PRMT8: variants seen among roughly 807,000 people sequenced by gnomAD.
PRMT8 encodes the protein protein arginine methyltransferase 8, also known as protein arginine N-methyltransferase 8.
A neutral mutation model predicts 47.1 loss-of-function variants in PRMT8; 7 were observed. The observed-to-expected ratio is 0.15, with a 90% CI of 0.08 to 0.28. The LOEUF (loss-of-function observed/expected upper bound fraction) is 0.28. Ranked by LOEUF, PRMT8 falls within the 10% of genes least tolerant of loss-of-function variation. The pLI is 1.00. For missense variants in PRMT8, 237 were observed against 505.4 expected (o/e 0.47, Z 5.09); for synonymous variants, 188 against 186.5 (o/e 1.01, Z -0.07).
At chr12:3,459,811 G>T (rs923593300) in intron 1 of PRMT8, among the ~76,000 whole-genome samples, 1 of 152,142 alleles carries the variant, frequency 6.6e-6, no homozygotes, top group Non-Finnish European at 1.5e-5. Flanking sequence ...GGGACTCCCT[G>T]TCTCTTTCTC....
rs1436051683 is a variant in PRMT8 at position 3,381,485 on chromosome 12, G to A, written c.48+43G>A. Reference sequence around the variant, plus strand: ...GTAATTTCTTTCCTTTCTTCTTCCTGCAAGTGAAATAGTGCAATTTATCTT... The same window carrying A: ...GTAATTTCTTTCCTTTCTTCTTCCTACAAGTGAAATAGTGCAATTTATCTT... On this transcript the variant is annotated intron_variant, in intron 1 of 9. Coordinates refer to the PRMT8 transcript ENST00000452611. 27 of 1,529,304 alleles carry A rather than the reference G, an allele frequency of 1.8e-5. No individual in the cohort carries two copies. In the East Asian group the frequency reaches 6.4e-4, roughly 36 times the overall value. 94.7% of individuals were successfully genotyped at this position (1,529,304 alleles called of 1,614,324 possible). A position where few individuals can be genotyped will look rare whatever the true frequency, so the allele number is the denominator to read the frequency against.
Position 3,535,016 on chromosome 12 carries a change from A to T in PRMT8, c.76-5590A>T, listed in dbSNP as rs1866094443. On this transcript the variant is annotated intron_variant, in intron 1 of 9. Coordinates refer to ENST00000382622, the MANE Select transcript of PRMT8 (RefSeq NM_019854.5). This position sits in a 1 kb window ranked among gnomAD's most constrained non-coding sequence, Gnocchi z 4.7. ...GTGCTTGGCGCAGCGCCTGGGGCGCAGTGGGCCCTTAGTCAATGTTAGGTC... is the reference window on the plus strand; with the variant it reads ...GTGCTTGGCGCAGCGCCTGGGGCGCTGTGGGCCCTTAGTCAATGTTAGGTC... 6.6e-6 allele frequency among the ~76,000 whole-genome samples: 1 copy of T among 152,256 alleles called. No individual in the cohort carries two copies. The highest frequency in any genetic ancestry group is 6.5e-5 in the Admixed American group (1 of 15,284).
intron 1 of PRMT8, among the ~76,000 whole-genome samples, chr12:3,457,045 G>C (rs898455830): frequency 2.0e-5 from 3 of 152,192 alleles, no homozygotes; most frequent in African/African-American, 7.2e-5. Flanking sequence ...CCACTGATTT[G>C]AGTGAATAGA....
intron 1 of PRMT8, among the ~76,000 whole-genome samples, chr12:3,414,712 T>G: frequency 6.6e-6 from 1 of 152,072 alleles, no homozygotes; most frequent in East Asian, 1.9e-4. Flanking sequence ...GAAGAGGCTC[T>G]TGGTGGGATG....
At chr12:3,522,110 C>T (rs892950775) in intron 1 of PRMT8, among the ~76,000 whole-genome samples, 4 of 148,124 alleles carry the variant, frequency 2.7e-5, no homozygotes, top group East Asian at 2.0e-4. Flanking sequence ...CCCAATAGCA[C>T]TCCTTAGGAT....
intron 1 of PRMT8, among the ~76,000 whole-genome samples, chr12:3,443,004 A>T (rs186182861): frequency 3.3e-5 from 5 of 152,200 alleles, no homozygotes; most frequent in South Asian, 2.1e-4. Flanking sequence ...GATAATTTTT[A>T]AAAAAGTAAA....
At chr12:3,475,524 T>G (rs1171453772) in intron 1 of PRMT8, among the ~76,000 whole-genome samples, 2 of 152,246 alleles carry the variant, frequency 1.3e-5, no homozygotes, top group African/African-American at 4.8e-5. Context: ...GGACTTTTTC[T>G]GCCTCGGGAT....
At chr12:3,467,554 G>A (rs547473529) in intron 1 of PRMT8, among the ~76,000 whole-genome samples, 3 of 152,230 alleles carry the variant, frequency 2.0e-5, no homozygotes, top group African/African-American at 4.8e-5. Flanking sequence ...GTGAACCTCC[G>A]CAAAGCTCAT....
intron 2 of PRMT8, among the ~76,000 whole-genome samples, chr12:3,545,890 A>T (rs1188495877): frequency 6.6e-6 from 1 of 152,264 alleles, no homozygotes; most frequent in Non-Finnish European, 1.5e-5. Flanking sequence ...AGAACATTTC[A>T]TCCCCAAACT....
At chr12:3,432,047 G>A (rs1864685628) in intron 1 of PRMT8, among the ~76,000 whole-genome samples, 1 of 152,198 alleles carries the variant, frequency 6.6e-6, no homozygotes, top group Admixed American at 6.5e-5. Context: ...AGCCTGTGGG[G>A]CAAGTGCCCC....
At chr12:3,403,357 G>A (rs1864337577) in intron 1 of PRMT8, among the ~76,000 whole-genome samples, 1 of 152,024 alleles carries the variant, frequency 6.6e-6, no homozygotes, top group South Asian at 2.1e-4. Flanking sequence ...AATAGCTAAT[G>A]GATGCTGGGC....
intron 1 of PRMT8, among the ~76,000 whole-genome samples, chr12:3,441,546 C>T (rs1864802363): frequency 1.3e-5 from 2 of 152,208 alleles, no homozygotes; most frequent in Non-Finnish European, 2.9e-5. Flanking sequence ...TGTGTCTCCC[C>T]AGTGCCCAGG....
At chr12:3,418,716 C>G (rs533537100) in intron 1 of PRMT8, among the ~76,000 whole-genome samples, 6 of 152,028 alleles carry the variant, frequency 3.9e-5, no homozygotes, top group African/African-American at 1.4e-4. Flanking sequence ...AGATGCTCTG[C>G]CAGTTTCTCT....
Position 3,491,253 on chromosome 12 carries a change from G to C in PRMT8, c.-373G>C. 1 of 1,024,690 alleles carries C rather than the reference G, an allele frequency of 9.8e-7. No individual in the cohort carries two copies. Among genetic ancestry groups the C allele is most frequent in the Non-Finnish European group, 1.2e-6 (1 of 855,658 alleles). 63.5% of individuals were successfully genotyped at this position (1,024,690 alleles called of 1,614,324 possible). On this transcript the variant is annotated 5_prime_UTR_variant, in exon 1 of 10. Coordinates refer to ENST00000382622, the MANE Select transcript of PRMT8 (RefSeq NM_019854.5). The stretch of plus-strand genomic sequence containing the variant: ...TTGAGAGGAGTTGGCGGCTGCCTCC[G>C]GCCGGCCGGACTTTGCGAGCAGCCT...
chr12:3,433,936 C>T (rs554893429), intron 1 of PRMT8, among the ~76,000 whole-genome samples: 6 of 152,210 alleles, frequency 3.9e-5, no homozygotes, highest in East Asian at 3.9e-4. Context: ...TTTCATGTTG[C>T]ATGAAAAAGT....
At position 3,566,402 on chromosome 12, in the gene PRMT8, T is replaced by C. The variant is rs942076074; in HGVS notation, c.482-2304T>C. On this transcript the variant is annotated intron_variant, in intron 4 of 9. Coordinates refer to ENST00000382622, the MANE Select transcript of PRMT8 (RefSeq NM_019854.5). The surrounding 1 kb of genome is among the most constrained non-coding windows in gnomAD (Gnocchi z 4.7). ...AAAACTTTTGGAGAATAGCTCTTCC[T>C]GCTCATACTTTTTAATGGTAGGGGC... is the stretch of plus-strand genomic sequence containing the variant. 7.9e-5 allele frequency among the ~76,000 whole-genome samples: 12 copies of C among 152,178 alleles called. No homozygotes were observed. Among genetic ancestry groups the C allele is most frequent in the Admixed American group, 2.0e-4 (3 of 15,270 alleles).
At chr12:3,527,321 C>G (rs1865962427) in intron 1 of PRMT8, among the ~76,000 whole-genome samples, 1 of 151,986 alleles carries the variant, frequency 6.6e-6, no homozygotes, top group South Asian at 2.1e-4. Flanking sequence ...AGTTAAGCTA[C>G]TAAGTGACTA....
Position 3,553,690 on chromosome 12 carries a change from A to G in PRMT8, c.457A>G (p.Ile153Val), listed in dbSNP as rs1467363937. 3 of 1,605,834 alleles carry G rather than the reference A, an allele frequency of 1.9e-6. No individual in the cohort carries two copies. The highest frequency in any genetic ancestry group is 1.7e-4 in the Middle Eastern group (1 of 6,048). Residue 153 changes from isoleucine (I) to valine (V), a missense_variant, in exon 4 of 10, where the codon ATT (isoleucine) becomes GTT (valine). Coordinates refer to ENST00000382622, the MANE Select transcript of PRMT8 (RefSeq NM_019854.5). ...TATTTCTGACTACTCAGAGAAGATC[A>G]TTAAGGCCAACCACTTGGACAACAG... ...SSISDYSEKI[I>V]KANHLDNIIT... is the part of the protein sequence containing the mutation.
intron 1 of PRMT8, among the ~76,000 whole-genome samples, chr12:3,386,272 G>A (rs1351699363): frequency 2.0e-5 from 3 of 152,206 alleles, no homozygotes; most frequent in East Asian, 3.8e-4. Context: ...AGGAAGTGCT[G>A]CCATCTCTCT....
Sources: gnomAD v4.1 joint callset for allele counts (sites outside exome capture counted in the v4.1 genomes callset) on GRCh38, gnomAD v4.1.1 for gene constraint, Gnocchi (gnomAD v3.1) non-coding constraint, MANE v1.5 for transcripts, NCBI Gene and HGNC (gene_info 2026-07-23, HGNC 2026-07-21) for gene names.